Variants in KCNIP4 observed in about 807,000 individuals in gnomAD.
KCNIP4 encodes Kv channel-interacting protein 4.
Under a neutral mutation model 34.0 loss-of-function variants are expected in KCNIP4, and 12 were observed. The observed-to-expected ratio is 0.35, with a 90% CI of 0.23 to 0.57. The LOEUF is 0.57. Among genes scored for constraint, KCNIP4 ranks in the 20% least tolerant of loss-of-function variants. KCNIP4 has a pLI of 0.83. For missense variants in KCNIP4, 238 were observed against 311.7 expected, an observed-to-expected ratio of 0.76 and a Z score of 1.78; for synonymous variants, 124 against 102.2, an observed-to-expected ratio of 1.21 and a Z score of -1.29.
intron 2 of KCNIP4, among the ~76,000 whole-genome samples, chr4:20,853,894 G>A (rs1488875493): frequency 6.6e-6 from 1 of 152,132 alleles, no homozygotes; most frequent in Non-Finnish European, 1.5e-5. Context: ...ATGAAAAAAT[G>A]CTCAACATCA....
intron 1 of KCNIP4, among the ~76,000 whole-genome samples, chr4:21,817,715 C>A (rs1430890621): frequency 6.6e-6 from 1 of 152,078 alleles, no homozygotes; most frequent in Non-Finnish European, 1.5e-5. Flanking sequence ...TGAGATATGT[C>A]CTGGTCTCCT....
At chr4:21,650,228 T>C (rs1315849849) in intron 1 of KCNIP4, among the ~76,000 whole-genome samples, 1 of 152,224 alleles carries the variant, frequency 6.6e-6, no homozygotes, top group African/African-American at 2.4e-5. Context: ...TAATGCATGT[T>C]CTGCTAATTT....
chr4:21,338,732 A>T (rs1716436027), intron 1 of KCNIP4, among the ~76,000 whole-genome samples: 1 of 151,900 alleles, frequency 6.6e-6, no homozygotes, highest in Non-Finnish European at 1.5e-5. Flanking sequence ...TGTTATATAT[A>T]TAAATATATA....
chr4:21,670,793 C>A (rs1410542758), intron 1 of KCNIP4, among the ~76,000 whole-genome samples: 1 of 151,902 alleles, frequency 6.6e-6, no homozygotes, highest in Non-Finnish European at 1.5e-5. Flanking sequence ...GTAGCTGGGA[C>A]TACAGGTGCC....
intron 1 of KCNIP4, among the ~76,000 whole-genome samples, chr4:21,260,590 C>T (rs1761407405): frequency 6.6e-6 from 1 of 152,034 alleles, no homozygotes; most frequent in Non-Finnish European, 1.5e-5. Flanking sequence ...TTCTTAATGC[C>T]TTCAATTACC....
intron 1 of KCNIP4, among the ~76,000 whole-genome samples, chr4:21,694,936 A>C (rs1198086060): frequency 1.7e-5 from 2 of 120,788 alleles, no homozygotes; most frequent in African/African-American, 6.0e-5. Context: ...AAAAATAAAA[A>C]TAAATAAATA....
intron 1 of KCNIP4, among the ~76,000 whole-genome samples, chr4:21,342,619 T>C (rs1224784636): frequency 6.6e-6 from 1 of 152,098 alleles, no homozygotes; most frequent in Non-Finnish European, 1.5e-5. Flanking sequence ...TCTGAGAACT[T>C]GATAAGTAAA....
At chr4:21,241,842 T>C (rs1350295150) in intron 1 of KCNIP4, among the ~76,000 whole-genome samples, 2 of 152,098 alleles carry the variant, frequency 1.3e-5, no homozygotes, top group African/African-American at 4.8e-5. Flanking sequence ...AACTGCAGTA[T>C]GCTCGTCTAT....
intron 1 of KCNIP4, chr4:20,916,323 C>T (rs1423155807): frequency 1.0e-6 from 1 of 981,524 alleles, no homozygotes; most frequent in Non-Finnish European, 1.2e-6. Context: ...AAGTGTTTAC[C>T]TCTTTGCAGT....
intron 1 of KCNIP4, among the ~76,000 whole-genome samples, chr4:21,624,090 T>C (rs1025795050): frequency 2.6e-5 from 4 of 152,064 alleles, no homozygotes; most frequent in Admixed American, 6.6e-5. Flanking sequence ...CAAGAGGCAA[T>C]GTACTACAAT....
At chr4:21,878,493 G>A (rs1453879617) in intron 1 of KCNIP4, among the ~76,000 whole-genome samples, 3 of 152,104 alleles carry the variant, frequency 2.0e-5, no homozygotes, top group Non-Finnish European at 4.4e-5. Flanking sequence ...CTATTGGTCT[G>A]CATTCTTTCA....
intron 1 of KCNIP4, among the ~76,000 whole-genome samples, chr4:21,810,317 G>A (rs1052478657): frequency 1.3e-5 from 2 of 152,172 alleles, no homozygotes; most frequent in African/African-American, 4.8e-5. Context: ...TCCAAGAAGT[G>A]TGATCTCTCT....
At chr4:21,078,105 A>T (rs1471518166) in intron 1 of KCNIP4, among the ~76,000 whole-genome samples, 4 of 152,110 alleles carry the variant, frequency 2.6e-5, no homozygotes, top group Non-Finnish European at 4.4e-5. Context: ...TAAGGACACC[A>T]CTGAAAGGAA....
intron 1 of KCNIP4, among the ~76,000 whole-genome samples, chr4:21,737,648 C>G (rs1716083111): frequency 6.6e-6 from 1 of 152,166 alleles, no homozygotes; most frequent in Non-Finnish European, 1.5e-5. Flanking sequence ...TGCCAGTAAC[C>G]ATGGCCACTA....
intron 1 of KCNIP4, among the ~76,000 whole-genome samples, chr4:21,946,221 G>A (rs760671947): frequency 6.6e-6 from 1 of 151,582 alleles, no homozygotes; most frequent in Non-Finnish European, 1.5e-5. Context: ...ATACATACAC[G>A]TACGCACACA....
intron 3 of KCNIP4, among the ~76,000 whole-genome samples, chr4:20,813,725 T>C (rs763447835): frequency 3.3e-5 from 5 of 152,196 alleles, no homozygotes; most frequent in Non-Finnish European, 1.5e-5. Flanking sequence ...ATCAGCAAGA[T>C]GTATAAACAA....
At chr4:21,240,537 AT>A in intron 1 of KCNIP4, among the ~76,000 whole-genome samples, 1 of 152,038 alleles carries the variant, frequency 6.6e-6, no homozygotes, top group Non-Finnish European at 1.5e-5. Context: ...CAGGCAAATA[AT>A]TTTTTCACCA....
At chr4:21,715,344 A>G (rs189230811) in intron 1 of KCNIP4, among the ~76,000 whole-genome samples, 1 of 151,846 alleles carries the variant, frequency 6.6e-6, no homozygotes, top group Non-Finnish European at 1.5e-5. Flanking sequence ...GTTGGCCAGG[A>G]TGGTCTTGCT....
intron 1 of KCNIP4, among the ~76,000 whole-genome samples, chr4:21,137,006 C>A (rs1751549286): frequency 6.6e-6 from 1 of 152,144 alleles, no homozygotes; most frequent in Non-Finnish European, 1.5e-5. Context: ...TTCTCATAAC[C>A]AAACTCTGGG....
Sources: gnomAD v4.1 joint callset for allele counts (sites outside exome capture counted in the v4.1 genomes callset) on GRCh38, gnomAD v4.1.1 for gene constraint, MANE v1.5 for transcripts, NCBI Gene and HGNC (gene_info 2026-07-23, HGNC 2026-07-21) for gene names.